Variants in LARGE1 observed in about 807,000 individuals in gnomAD.
The protein encoded by LARGE1 is xylosyl- and glucuronyltransferase LARGE1.
A neutral mutation model predicts 87.6 loss-of-function variants in LARGE1; 43 were observed. The observed-to-expected ratio is 0.49, with a 90% CI of 0.38 to 0.63. The LOEUF (loss-of-function observed/expected upper bound fraction) is 0.63. LARGE1 is among the 30% of genes least tolerant of loss of function. The pLI, the probability that LARGE1 is intolerant of heterozygous loss-of-function variation, is 0.00. For synonymous variants in LARGE1, 434 were observed against 394.6 expected (o/e 1.10, Z -1.18); for missense variants, 802 against 1,000.2 (o/e 0.80, Z 2.67).
intron 6 of LARGE1, among the ~76,000 whole-genome samples, chr22:33,558,088 C>T (rs1040065199): frequency 2.1e-4 from 32 of 152,034 alleles, no homozygotes; most frequent in Middle Eastern, 3.2e-3. Flanking sequence ...GTTTTTCTTC[C>T]CCGGGGCAAA....
At chr22:33,183,886 A>G (rs1923327102) in intron 11 of LARGE1, among the ~76,000 whole-genome samples, 1 of 152,016 alleles carries the variant, frequency 6.6e-6, no homozygotes. Context: ...GTCAAAGGGT[A>G]CAAACTTCCA....
intron 2 of LARGE1, among the ~76,000 whole-genome samples, chr22:33,658,094 C>A (rs2081020488): frequency 6.6e-6 from 1 of 152,140 alleles, no homozygotes; most frequent in Admixed American, 6.5e-5. Flanking sequence ...ACCCTCCGAA[C>A]AAGTCCAGCC....
chr22:33,905,743 G>A (rs2065427316), intron 1 of LARGE1, among the ~76,000 whole-genome samples: 1 of 152,190 alleles, frequency 6.6e-6, no homozygotes, highest in Admixed American at 6.5e-5. Context: ...ATTTCAAATA[G>A]TCCCTTTGTT....
chr22:33,647,351 G>C lies in LARGE1; in HGVS notation c.408+3016C>G, dbSNP rs1432814933. Among the ~76,000 whole-genome samples, 4 of 152,310 alleles carry C rather than the reference G, an allele frequency of 2.6e-5. No homozygotes were observed. In the South Asian group the frequency reaches 8.3e-4, roughly 32 times the overall value. ...CAGCTAAGGGTATCCCTGTAACTAA[G>C]TTGTGTCAATAGGATCTAAAAGGAT... On this transcript the variant is annotated intron_variant, in intron 3 of 14. Coordinates refer to ENST00000397394, the MANE Select transcript of LARGE1 (RefSeq NM_133642.5).
chr22:33,644,610 G>A (rs1342477784), intron 3 of LARGE1, among the ~76,000 whole-genome samples: 1 of 152,170 alleles, frequency 6.6e-6, no homozygotes, highest in African/African-American at 2.4e-5. Context: ...CAGGAAGTAA[G>A]GAAGTGAAAT....
rs189904773 is a variant in LARGE1 at position 33,846,718 on chromosome 22, G to A, written c.-83+73277C>T. On this transcript the variant is annotated intron_variant, in intron 1 of 14. Coordinates refer to ENST00000397394, the MANE Select transcript of LARGE1 (RefSeq NM_133642.5). ...GGTCTATAAACGGCCCCCACTAGGT[G>A]TGCCCATCTTCTATGGTCAAGGCTG... Among the ~76,000 whole-genome samples, 6 of 152,292 alleles carry A rather than the reference G, an allele frequency of 3.9e-5. No individual in the cohort carries two copies. The East Asian group carries it at 9.6e-4, about 24-fold the overall frequency.
At chr22:33,769,983 A>C (rs1166393349) in intron 1 of LARGE1, among the ~76,000 whole-genome samples, 4 of 152,232 alleles carry the variant, frequency 2.6e-5, no homozygotes, top group Non-Finnish European at 5.9e-5. Context: ...ACATAAGAAC[A>C]GCATATTTCA....
intron 6 of LARGE1, among the ~76,000 whole-genome samples, chr22:33,552,325 G>T (rs1212726435): frequency 6.6e-6 from 1 of 152,048 alleles, no homozygotes; most frequent in Non-Finnish European, 1.5e-5. Context: ...TCTGTCCCTT[G>T]ACCTCCCCTC....
chr22:33,428,758 T>TAA (rs763068404), intron 7 of LARGE1, among the ~76,000 whole-genome samples: 2 of 95,286 alleles, frequency 2.1e-5, no homozygotes, highest in African/African-American at 4.1e-5. Flanking sequence ...CCGTCACTAC[T>TAA]AAAAAAAAAA....
At chr22:33,271,363 C>T (rs1044859821), downstream of LARGE1, among the ~76,000 whole-genome samples, 17 of 152,318 alleles carry the variant, frequency 1.1e-4, no homozygotes, top group African/African-American at 4.1e-4. Context: ...TACTTAATTA[C>T]ACAGAATGCA....
the LARGE1 span, among the ~76,000 whole-genome samples, chr22:33,130,580 A>T: frequency 4.0e-3 from 603 of 152,284 alleles, 6 homozygotes; most frequent in African/African-American, 0.014. Context: ...AATCGGTTTC[A>T]GAAAAACAAA....
intron 5 of LARGE1, among the ~76,000 whole-genome samples, chr22:33,583,552 T>C (rs1469975168): frequency 1.3e-5 from 2 of 152,154 alleles, no homozygotes; most frequent in Non-Finnish European, 2.9e-5. Flanking sequence ...AGTTACCCGA[T>C]AAATAAGAAA....
At position 33,341,262 on chromosome 22, in the gene LARGE1, C is replaced by G. The variant is rs567618412; in HGVS notation, c.1132-3461G>C. On this transcript the variant is annotated intron_variant, in intron 9 of 14. Transcript: ENST00000397394. ...AAGGTGCTGACTATGAACCGAAAGGCATGCCCTCACCAGACACCAAATCTG... is the reference window on the plus strand; with the variant it reads ...AAGGTGCTGACTATGAACCGAAAGGGATGCCCTCACCAGACACCAAATCTG... Among the ~76,000 whole-genome samples the G allele has an allele frequency of 2.6e-5, 4 of 152,192 alleles. No homozygotes were observed. In the South Asian group the frequency reaches 8.3e-4, roughly 32 times the overall value.
At chr22:33,132,540 TA>T in the LARGE1 span, among the ~76,000 whole-genome samples, 1 of 151,056 alleles carries the variant, frequency 6.6e-6, no homozygotes, top group Non-Finnish European at 1.5e-5. Context: ...TTTTTGTACT[TA>T]AAAATTTAAT....
the LARGE1 span, among the ~76,000 whole-genome samples, chr22:33,145,011 A>G: frequency 2.6e-5 from 4 of 152,194 alleles, no homozygotes; most frequent in Non-Finnish European, 5.9e-5. Flanking sequence ...GTTGTGCCCA[A>G]TAAAATAAAA....
At chr22:33,251,201 A>T (rs1926996076) in intron 11 of LARGE1, among the ~76,000 whole-genome samples, 1 of 152,182 alleles carries the variant, frequency 6.6e-6, no homozygotes, top group African/African-American at 2.4e-5. Flanking sequence ...CTTTGGCAGT[A>T]AGATAGACTA....
At chr22:33,637,949 C>G (rs2080316837) in intron 3 of LARGE1, among the ~76,000 whole-genome samples, 1 of 152,084 alleles carries the variant, frequency 6.6e-6, no homozygotes, top group Non-Finnish European at 1.5e-5. Flanking sequence ...CCTAAGGTGC[C>G]CTGAAAATCA....
chr22:33,835,399 A>G (rs1568972212), intron 1 of LARGE1, among the ~76,000 whole-genome samples: 1 of 152,220 alleles, frequency 6.6e-6, no homozygotes, highest in African/African-American at 2.4e-5. Context: ...AGAGGCTGCA[A>G]GGACTTCCTA....
At chr22:33,299,798 G>A (rs1457173151) in intron 12 of LARGE1, among the ~76,000 whole-genome samples, 1 of 152,224 alleles carries the variant, frequency 6.6e-6, no homozygotes, top group Non-Finnish European at 1.5e-5. Flanking sequence ...CGCAACCTCT[G>A]CCATGCCCCG....
Sources: gnomAD v4.1 joint callset for allele counts (sites outside exome capture counted in the v4.1 genomes callset) on GRCh38, gnomAD v4.1.1 for gene constraint, MANE v1.5 for transcripts, NCBI Gene and HGNC (gene_info 2026-07-23, HGNC 2026-07-21) for gene names.